MMP26: variants seen among roughly 807,000 people sequenced by gnomAD.
MMP26 encodes the protein matrix metallopeptidase 26.
MMP26 carries 33 observed loss-of-function variants against 31.0 expected under a neutral mutation model. The ratio of observed to expected loss-of-function variants is 1.06; its 90% CI spans 0.81 to 1.42. The LOEUF (loss-of-function observed/expected upper bound fraction) is 1.42, where lower values mean the gene tolerates loss of function less well. Among genes scored for constraint, MMP26 ranks in the 40% most tolerant of loss-of-function variants. The pLI is 0.00. For synonymous variants in MMP26, 122 were observed against 114.9 expected (o/e 1.06, Z -0.40); for missense variants, 347 against 316.1 (o/e 1.10, Z -0.74).
intron 2 of MMP26, chr11:4,882,877 G>C: frequency 6.2e-7 from 1 of 1,609,858 alleles, no homozygotes; most frequent in Non-Finnish European, 8.5e-7. Context: ...GGGGAAGATG[G>C]GATTGAAGGT....
At chr11:4,717,945 C>T (rs1847957533) in intron 1 of MMP26, among the ~76,000 whole-genome samples, 1 of 152,136 alleles carries the variant, frequency 6.6e-6, no homozygotes, top group Non-Finnish European at 1.5e-5. Flanking sequence ...CTGGAGGCCC[C>T]ATATATTCTA....
At position 4,769,643 on chromosome 11, in the gene MMP26, C is replaced by T. The variant is rs542209937; in HGVS notation, c.-145+2302C>T. On this transcript the variant is annotated intron_variant, in intron 2 of 7. Coordinates refer to ENST00000380390, the MANE Select transcript of MMP26 (RefSeq NM_021801.5). ...AATGCAGCTATATAGACTGATTTCA[C>T]GTGCCTCAAACCAGAGGATACCTAA... 20 of 1,612,850 alleles carry T rather than the reference C, an allele frequency of 1.2e-5. No individual in the cohort carries two copies. The Admixed American group carries it at 2.2e-4, about 17-fold the overall frequency.
At position 4,835,171 on chromosome 11, in the gene MMP26, T is replaced by TC. The variant is rs151058013; in HGVS notation, c.-145+67836dup. Among the ~76,000 whole-genome samples the TC allele has an allele frequency of 4.0e-3, 576 of 142,880 alleles. 8 individuals are homozygous for TC. The highest frequency in any genetic ancestry group is 0.014 in the African/African-American group (532 of 37,024). The allele number at this position is 142,880 out of a possible 152,430, so 93.7% of individuals were successfully genotyped here. ...CTGTTATGAATTCTCAATATCTCCC[T>TC]CCCCCCTCTCTCTCTCTTCCTCTCT... On this transcript the variant is annotated intron_variant, in intron 2 of 7. Transcript: ENST00000380390.
At chr11:4,954,151 T>C (rs1846402106) in intron 2 of MMP26, among the ~76,000 whole-genome samples, 1 of 125,926 alleles carries the variant, frequency 7.9e-6, no homozygotes, top group Admixed American at 8.8e-5. Flanking sequence ...TTTTAATTAC[T>C]CTTGCCTTGC....
intron 2 of MMP26, among the ~76,000 whole-genome samples, chr11:4,807,697 A>C (rs572083282): frequency 1.3e-5 from 2 of 152,186 alleles, no homozygotes; most frequent in African/African-American, 4.8e-5. Context: ...CAGCAAACCA[A>C]CGTGGCACAT....
intron 2 of MMP26, among the ~76,000 whole-genome samples, chr11:4,901,943 C>T (rs199936288): frequency 5.9e-5 from 9 of 152,142 alleles, no homozygotes; most frequent in East Asian, 3.8e-4. Flanking sequence ...ATATTTGCCA[C>T]ATAAATACTA....
intron 2 of MMP26, chr11:4,794,321 A>G (rs1849075124): frequency 6.6e-6 from 1 of 152,194 alleles, no homozygotes; most frequent in South Asian, 2.1e-4. Flanking sequence ...CAAGGAGAAC[A>G]ATAGATACGA....
At chr11:4,916,094 G>A (rs980150110) in intron 2 of MMP26, among the ~76,000 whole-genome samples, 12 of 151,920 alleles carry the variant, frequency 7.9e-5, no homozygotes, top group Non-Finnish European at 1.2e-4. Context: ...CGAGGCGGGC[G>A]GATCATGAGG....
intron 2 of MMP26, chr11:4,794,982 C>T (rs575020006): frequency 6.6e-6 from 1 of 152,290 alleles, no homozygotes; most frequent in African/African-American, 2.4e-5. Context: ...CATCTCATGA[C>T]CACCTCTGAC....
intron 2 of MMP26, among the ~76,000 whole-genome samples, chr11:4,959,954 T>G (rs1846497971): frequency 6.6e-6 from 1 of 152,182 alleles, no homozygotes; most frequent in Non-Finnish European, 1.5e-5. Context: ...AACATATGGC[T>G]GCTGTGCTTC....
Position 4,952,118 on chromosome 11 carries a change from C to G in MMP26, c.-144-35950C>G, listed in dbSNP as rs1846379982. ...TTTGCCATGTTCTTCATTTCAGGAA[C>G]ATGTGCAAATCATTATGTTCACCAT... On this transcript the variant is annotated intron_variant, in intron 2 of 7. Transcript: ENST00000380390. 1.6e-5 allele frequency among the ~76,000 whole-genome samples: 2 copies of G among 124,658 alleles called. 1 individual carries two copies. The highest frequency in any genetic ancestry group is 3.6e-5 in the Non-Finnish European group (2 of 55,052). The allele number at this position is 124,658 out of a possible 152,430, so 81.8% of individuals were successfully genotyped here. A position where few individuals can be genotyped will look rare whatever the true frequency, so the allele number is the denominator to read the frequency against.
At chr11:4,706,577 CAAAAAAAA>C (rs71050423) in intron 1 of MMP26, among the ~76,000 whole-genome samples, 1 of 87,566 alleles carries the variant, frequency 1.1e-5, no homozygotes, top group Non-Finnish European at 2.1e-5. Context: ...GACCCTATCT[CAAAAAAAA>C]AAAAAAAAAA....
intron 2 of MMP26, among the ~76,000 whole-genome samples, chr11:4,812,409 G>T (rs988400903): frequency 6.6e-6 from 1 of 152,274 alleles, no homozygotes. Flanking sequence ...CCAAGGTTGA[G>T]GTGACATGCC....
intron 2 of MMP26, among the ~76,000 whole-genome samples, chr11:4,920,591 A>G: frequency 6.6e-6 from 1 of 152,200 alleles, no homozygotes; most frequent in Admixed American, 6.5e-5. Flanking sequence ...TGATAATAGC[A>G]AAGATCATAT....
intron 2 of MMP26, chr11:4,821,528 T>C: frequency 6.2e-7 from 1 of 1,612,426 alleles, no homozygotes; most frequent in Non-Finnish European, 8.5e-7. Context: ...TTTTGTCTCC[T>C]ATATGTTGTT....
intron 2 of MMP26, chr11:4,945,406 G>C (rs1846279713): frequency 6.6e-6 from 1 of 152,198 alleles, no homozygotes; most frequent in Admixed American, 6.6e-5. Flanking sequence ...CGTTGAGTAA[G>C]TAGAAAGGGT....
chr11:4,759,946 A>G (rs1848552582), intron 1 of MMP26, among the ~76,000 whole-genome samples: 1 of 152,132 alleles, frequency 6.6e-6, no homozygotes, highest in South Asian at 2.1e-4. Flanking sequence ...CTTAATTTCT[A>G]TTGCTAAAAT....
chr11:4,749,065 T>A (rs931845119), intron 1 of MMP26, among the ~76,000 whole-genome samples: 1 of 151,990 alleles, frequency 6.6e-6, no homozygotes, highest in Non-Finnish European at 1.5e-5. Context: ...ACCAAAAGAC[T>A]CCTAGATTTG....
intron 2 of MMP26, among the ~76,000 whole-genome samples, chr11:4,847,219 A>G (rs889910822): frequency 1.3e-5 from 2 of 152,236 alleles, no homozygotes; most frequent in African/African-American, 4.8e-5. Context: ...TATGTGTCTA[A>G]AGTGAGAGTG....
Sources: allele counts gnomAD v4.1 joint callset (sites outside exome capture counted in the v4.1 genomes callset), GRCh38; gene constraint gnomAD v4.1.1; transcripts MANE v1.5; gene names NCBI Gene and HGNC (gene_info 2026-07-23, HGNC 2026-07-21).